The following PRMT8 variants were observed in gnomAD, a reference collection of about 807,000 sequenced individuals.
PRMT8 encodes the protein protein arginine methyltransferase 8.
In PRMT8, 7 loss-of-function variants were observed where a neutral mutation model predicts 47.1. That is an observed-to-expected ratio of 0.15 (90% CI 0.08 to 0.28). PRMT8 has a LOEUF of 0.28. Among genes scored for constraint, PRMT8 ranks in the 10% least tolerant of loss-of-function variants. The pLI is 1.00. For missense variants in PRMT8, 237 were observed against 505.4 expected (o/e 0.47, Z 5.09); for synonymous variants, 188 against 186.5 (o/e 1.01, Z -0.07).
At chr12:3,585,063 C>T (rs1867142090) in intron 8 of PRMT8, among the ~76,000 whole-genome samples, 1 of 152,166 alleles carries the variant, frequency 6.6e-6, no homozygotes, top group African/African-American at 2.4e-5. Context: ...CCCTTTCTTG[C>T]AACTGTCAGT....
chr12:3,478,560 C>T (rs1229932398), intron 1 of PRMT8, among the ~76,000 whole-genome samples: 1 of 152,204 alleles, frequency 6.6e-6, no homozygotes, highest in African/African-American at 2.4e-5. Context: ...TCCTGAGCTT[C>T]TCTAGGTGCT....
At chr12:3,421,700 A>G (rs575661330) in intron 1 of PRMT8, among the ~76,000 whole-genome samples, 8 of 152,300 alleles carry the variant, frequency 5.3e-5, no homozygotes, top group African/African-American at 1.7e-4. Flanking sequence ...GTTGACTGCC[A>G]TCTCTGGGAA....
intron 4 of PRMT8, among the ~76,000 whole-genome samples, chr12:3,563,379 C>T (rs765185114): frequency 2.7e-4 from 41 of 151,810 alleles, no homozygotes; most frequent in Middle Eastern, 3.4e-3. Flanking sequence ...GGGATTTGGG[C>T]AGGGAGAGGG....
At chr12:3,479,317 G>T (rs1203661220) in intron 1 of PRMT8, among the ~76,000 whole-genome samples, 1 of 152,194 alleles carries the variant, frequency 6.6e-6, no homozygotes, top group Admixed American at 6.5e-5. Flanking sequence ...CTTCACCTGG[G>T]TGGGCATCTG....
intron 2 of PRMT8, among the ~76,000 whole-genome samples, chr12:3,548,568 G>A (rs958764969): frequency 6.7e-6 from 1 of 149,056 alleles, no homozygotes; most frequent in African/African-American, 2.4e-5. Context: ...TAGCCAATAA[G>A]CACATGAAAA....
intron 7 of PRMT8, among the ~76,000 whole-genome samples, chr12:3,579,345 C>T (rs976110654): frequency 7.2e-5 from 11 of 152,266 alleles, no homozygotes; most frequent in East Asian, 1.9e-4. Flanking sequence ...TTTGCACTGC[C>T]GGACACGTCA....
intron 4 of PRMT8, among the ~76,000 whole-genome samples, chr12:3,562,771 A>C (rs1866658355): frequency 6.6e-6 from 1 of 152,204 alleles, no homozygotes; most frequent in Non-Finnish European, 1.5e-5. Context: ...CTAAAGGTGA[A>C]GATGGGGCCA....
chr12:3,394,483 C>T (rs1864228417), intron 1 of PRMT8, among the ~76,000 whole-genome samples: 1 of 151,776 alleles, frequency 6.6e-6, no homozygotes, highest in Non-Finnish European at 1.5e-5. Context: ...TGGTTTTTGT[C>T]TTTGGTTCTG....
rs1288335566 is a variant in PRMT8, at chr12:3,569,773, T to G, written c.712+209T>G. Among the ~76,000 whole-genome samples, 1 of 152,198 alleles carries G rather than the reference T, an allele frequency of 6.6e-6. No individual in the cohort carries two copies. The highest frequency in any genetic ancestry group is 1.5e-5 in the Non-Finnish European group (1 of 68,036). On this transcript the variant is annotated intron_variant, in intron 6 of 9. Coordinates refer to ENST00000382622, the MANE Select transcript of PRMT8 (RefSeq NM_019854.5). This position sits in a 1 kb window ranked among gnomAD's most constrained non-coding sequence, Gnocchi z 8.2. The stretch of plus-strand genomic sequence containing the variant: ...GTCTACAGACAGAAAATAAGCCATA[T>G]GGCTGGGATGAGAGAAATGTCCTGG...
intron 1 of PRMT8, among the ~76,000 whole-genome samples, chr12:3,437,622 CTATATATATATATATA>C (rs57504454): frequency 7.0e-6 from 1 of 142,818 alleles, no homozygotes; most frequent in African/African-American, 2.7e-5. Flanking sequence ...TGCATTCAGG[CTATATATATATATATA>C]TATATATATA....
rs547147997 is a variant in PRMT8 at position 3,533,479 on chromosome 12, C to T, written c.76-7127C>T. On this transcript the variant is annotated intron_variant, in intron 1 of 9. Transcript: ENST00000382622. Reference sequence around the variant, plus strand: ...TTTTATTTTTTAGCTCATCAGCAATCGTTAGTGTATTTTATGGGTGGCCCA... The same window carrying T: ...TTTTATTTTTTAGCTCATCAGCAATTGTTAGTGTATTTTATGGGTGGCCCA... Among the ~76,000 whole-genome samples, 5 of 152,328 alleles carry T rather than the reference C, an allele frequency of 3.3e-5. No homozygotes were observed. In the East Asian group the frequency reaches 7.7e-4, roughly 23 times the overall value.
At chr12:3,504,973 G>A (rs1337173793) in intron 1 of PRMT8, among the ~76,000 whole-genome samples, 2 of 109,784 alleles carry the variant, frequency 1.8e-5, no homozygotes, top group African/African-American at 7.2e-5. Flanking sequence ...TTCCAGGTGC[G>A]TCCGTCACCC....
At chr12:3,521,054 C>T (rs780861258) in intron 1 of PRMT8, among the ~76,000 whole-genome samples, 1 of 152,150 alleles carries the variant, frequency 6.6e-6, no homozygotes, top group South Asian at 2.1e-4. Context: ...AGTTAAACTC[C>T]GGCCTAATCC....
intron 1 of PRMT8, among the ~76,000 whole-genome samples, chr12:3,401,329 A>C (rs1864314400): frequency 6.6e-6 from 1 of 152,084 alleles, no homozygotes; most frequent in Admixed American, 6.6e-5. Context: ...ATACCTCAAA[A>C]TAATAAGAGC....
intron 1 of PRMT8, among the ~76,000 whole-genome samples, chr12:3,396,814 A>G (rs575673304): frequency 4.6e-5 from 7 of 152,092 alleles, no homozygotes; most frequent in Middle Eastern, 3.4e-3. Flanking sequence ...GTGTTTTCCA[A>G]CTTGGTTCCA....
rs563016704 is a variant in PRMT8 at position 3,575,430 on chromosome 12, G to A, written c.713-1441G>A. 8.5e-4 allele frequency among the ~76,000 whole-genome samples: 130 copies of A among 152,318 alleles called. 1 individual carries two copies. The highest frequency in any genetic ancestry group is 2.5e-3 in the African/African-American group (105 of 41,576). ...ACAGATGAATGAGATTCAGGTGCCC[G>A]GAAACTAAAGAGTCTGCTAAAGCTG... On this transcript the variant is annotated intron_variant, in intron 6 of 9. Transcript: ENST00000382622.
chr12:3,540,618 C>CCCAGA lies in PRMT8; in HGVS notation c.90_91insAGACC (p.Ser31ArgfsTer37). 1 of 1,134,802 alleles carries CCCAGA rather than the reference C, an allele frequency of 8.8e-7. No individual in the cohort carries two copies. The highest frequency in any genetic ancestry group is 1.3e-6 in the Non-Finnish European group (1 of 754,520). The allele number at this position is 1,134,802 out of a possible 1,614,324, so 70.3% of individuals were successfully genotyped here. A position where few individuals can be genotyped will look rare whatever the true frequency, so the allele number is the denominator to read the frequency against. ...CTCTTCCCCTCAGGTGAACAGCCCC[C>CCCAGA]CCTCCCAGCCCCCCCAGCCCGTCGT... is the stretch of plus-strand genomic sequence containing the variant. On this transcript the variant is annotated frameshift_variant, in exon 2 of 10. Transcript: ENST00000382622. LOFTEE classifies it high-confidence loss of function.
At chr12:3,454,087 G>T (rs768484732) in intron 1 of PRMT8, among the ~76,000 whole-genome samples, 1 of 152,162 alleles carries the variant, frequency 6.6e-6, no homozygotes, top group Non-Finnish European at 1.5e-5. Flanking sequence ...GCTCAAAGGG[G>T]CCTGGGGCCA....
At chr12:3,549,790 C>G in intron 2 of PRMT8, 146 bp from the exon 3 acceptor site, 1 of 822,696 alleles carries the variant, frequency 1.2e-6, no homozygotes, top group Non-Finnish European at 1.9e-6. Context: ...GCCCAGCTAC[C>G]CCAGTTTTGT....
Sources: allele counts gnomAD v4.1 joint callset (sites outside exome capture counted in the v4.1 genomes callset), GRCh38; gene constraint gnomAD v4.1.1; non-coding constraint Gnocchi (gnomAD v3.1); transcripts MANE v1.5; gene names NCBI Gene and HGNC (gene_info 2026-07-23, HGNC 2026-07-21).